The following HID1 variants were observed in gnomAD, a reference collection of about 807,000 sequenced individuals.
The protein encoded by HID1 is protein HID1.
HID1 carries 42 observed loss-of-function variants against 89.7 expected under a neutral mutation model. That is an observed-to-expected ratio of 0.47 (90% CI 0.37 to 0.61). HID1 has a LOEUF of 0.61. HID1 is among the 20% of genes least tolerant of loss of function. The pLI is 0.00. For missense variants in HID1, 854 were observed against 1,039.3 expected (o/e 0.82, Z 2.45); for synonymous variants, 442 against 433.8 (o/e 1.02, Z -0.24).
At chr17:74,956,020 C>A in intron 12 of HID1, 64 bp from the exon 13 acceptor site, 2 of 1,536,936 alleles carry the variant, frequency 1.3e-6, no homozygotes, top group Non-Finnish European at 1.8e-6. Flanking sequence ...ACATCCTGGG[C>A]CGGGGTGGAA....
chr17:74,964,759 G>T, intron 1 of HID1, 127 bp from the exon 2 acceptor site: 7 of 953,578 alleles, frequency 7.3e-6, no homozygotes, highest in Non-Finnish European at 9.3e-6. Context: ...GGGTCCCAGA[G>T]CCATCCCACA....
At chr17:74,953,522 C>T in intron 15 of HID1, 23 bp downstream of exon 15, 2 of 1,603,164 alleles carry the variant, frequency 1.2e-6, no homozygotes, top group Non-Finnish European at 1.7e-6. Flanking sequence ...CCACGCCCGG[C>T]TCCAGGAGTC....
At chr17:74,969,230 T>C (rs1387741888) in intron 1 of HID1, among the ~76,000 whole-genome samples, 1 of 152,168 alleles carries the variant, frequency 6.6e-6, no homozygotes, top group Non-Finnish European at 1.5e-5. Context: ...AGTCTTGCTC[T>C]GTGGCCCAGG....
At chr17:74,963,957 G>A (rs550836129) in intron 2 of HID1, 47 bp from the exon 3 acceptor site, 4 of 1,605,532 alleles carry the variant, frequency 2.5e-6, no homozygotes, top group Admixed American at 3.4e-5. Flanking sequence ...GGTGGGGAAA[G>A]GACCCTGGCA....
At chr17:74,966,088 C>T (rs1415767174) in intron 1 of HID1, among the ~76,000 whole-genome samples, 1 of 151,796 alleles carries the variant, frequency 6.6e-6, no homozygotes, top group Non-Finnish European at 1.5e-5. Flanking sequence ...AGTTCAAGAC[C>T]AGCCTGGCCA....
rs1465501884 is a variant in HID1, at chr17:74,961,928, G to T, written c.673C>A (p.Pro225Thr). 1 of 1,604,480 alleles carries T rather than the reference G, an allele frequency of 6.2e-7. No individual in the cohort carries two copies. The highest frequency in any genetic ancestry group is 1.1e-5 in the South Asian group (1 of 90,020). Residue 225 changes from proline (P) to threonine (T), a missense_variant, in exon 6 of 19, where the codon CCG becomes ACG. Pro to Thr is a conservative substitution (Grantham distance 38). Coordinates refer to ENST00000425042, the MANE Select transcript of HID1 (RefSeq NM_030630.3). ...FSEAMYLPPA[P>T]ESGSTNPWVQ... is the part of the protein sequence containing the mutation. ...CATGGGTTGGTGCTGCCACTTTCCG[G>T]AGCTGGGGGCAGGTACATGGCCTCG...
chr17:74,955,013 G>A (rs2144802336), intron 13 of HID1: 2 of 157,944 alleles, frequency 1.3e-5, no homozygotes, highest in South Asian at 3.8e-4. Flanking sequence ...AGTGCCTTCT[G>A]GGGGTTATTT....
chr17:74,969,678 C>T (rs1258452103), intron 1 of HID1, among the ~76,000 whole-genome samples: 1 of 151,976 alleles, frequency 6.6e-6, no homozygotes, highest in Non-Finnish European at 1.5e-5. Context: ...CATAGCTCAC[C>T]GTAACCTTGA....
chr17:74,962,157 A>T lies in HID1; in HGVS notation c.611+77T>A. Reference sequence around the variant, plus strand: ...GAGGACGGTCTTCTGGGAAGACCCCATGGGCTTTCTGAGCTGTGCGGGGGC... The same window carrying T: ...GAGGACGGTCTTCTGGGAAGACCCCTTGGGCTTTCTGAGCTGTGCGGGGGC... On this transcript the variant is annotated intron_variant, in intron 5 of 18. Transcript: ENST00000425042. The surrounding 1 kb of genome is among the most constrained non-coding windows in gnomAD (Gnocchi z 4.3). 2 of 1,313,998 alleles carry T rather than the reference A, an allele frequency of 1.5e-6. No individual in the cohort carries two copies. Among genetic ancestry groups the T allele is most frequent in the Non-Finnish European group, 2.1e-6 (2 of 938,588 alleles). The allele number at this position is 1,313,998 out of a possible 1,614,324, so 81.4% of individuals were successfully genotyped here.
chr17:74,960,083 G>A lies in HID1; in HGVS notation c.894C>T (p.Ser298=), dbSNP rs1241614368. The change falls in exon 7 of 19, where the codon AGC becomes AGT. Residue 298 remains serine (S), a synonymous_variant. Transcript: ENST00000425042. ...LIVTLDHDSA[S]SASPTVDGTT... is the part of the protein sequence containing the mutation. Reference sequence around the variant, plus strand: ...TGCCGTCCACAGTGGGGCTGGCACTGCTGGCACTGTCGTGGTCCAAAGTGA... The same window carrying A: ...TGCCGTCCACAGTGGGGCTGGCACTACTGGCACTGTCGTGGTCCAAAGTGA... 1.9e-6 allele frequency: 3 copies of A among 1,613,900 alleles called. No individual in the cohort carries two copies.
At chr17:74,960,311 T>A (rs1216038042) in intron 6 of HID1, 63 bp from the exon 7 acceptor site, 1 of 1,396,868 alleles carries the variant, frequency 7.2e-7, no homozygotes. Flanking sequence ...TGGCCACACC[T>A]CTCTGGCCAC....
At chr17:74,969,381 TTTCACCATG>T (rs747532463) in intron 1 of HID1, among the ~76,000 whole-genome samples, 71 of 151,916 alleles carry the variant, frequency 4.7e-4, no homozygotes, top group Non-Finnish European at 9.4e-4. Context: ...AGAGATGGGG[TTTCACCATG>T]TTAGCCGGGA....
rs1312574293 is a variant in HID1 at position 74,954,273 on chromosome 17, C to A, written c.1729G>T (p.Ala577Ser). 6.3e-7 allele frequency: 1 copy of A among 1,588,230 alleles called. No homozygotes were observed. The highest frequency in any genetic ancestry group is 1.8e-5 in the Admixed American group (1 of 55,192). ...GGTGTCCGCCGGCGCCGCTGCAGGG[C>A]CTTGTGAATGGTGGGCGGGTCCGTG... ...LPTDPPTIHKALQRRRRTPEP... is the reference protein window; with the variant it reads ...LPTDPPTIHKSLQRRRRTPEP... Residue 577 changes from alanine to serine, a missense_variant, in exon 14 of 19, where the codon GCC becomes TCC. By Grantham distance (99) the Ala-to-Ser change is moderately conservative (BLOSUM62 1). Coordinates refer to ENST00000425042, the MANE Select transcript of HID1 (RefSeq NM_030630.3).
Position 74,959,034 on chromosome 17 carries a change from G to T in HID1, c.1026C>A (p.Leu342=). ...TGGACAGCAGCCGGGCTATACCCTTGAGGATGAACTGGAAGTCCTGGGGGC... is the reference window on the plus strand; with the variant it reads ...TGGACAGCAGCCGGGCTATACCCTTTAGGATGAACTGGAAGTCCTGGGGGC... The part of the protein sequence containing the change: ...IHREEDFQFI[L]KGIARLLSNP... The change falls in exon 9 of 19, where the codon CTC becomes CTA. Residue 342 remains leucine, a synonymous_variant. Coordinates refer to ENST00000425042, the MANE Select transcript of HID1 (RefSeq NM_030630.3). The surrounding 1 kb of genome is among the most constrained non-coding windows in gnomAD (Gnocchi z 4.6). 1 of 1,575,116 alleles carries T rather than the reference G, an allele frequency of 6.3e-7. No individual in the cohort carries two copies. The highest frequency in any genetic ancestry group is 8.6e-7 in the Non-Finnish European group (1 of 1,165,932).
chr17:74,957,598 AT>A (rs200735224), intron 12 of HID1, among the ~76,000 whole-genome samples: 20 of 147,298 alleles, frequency 1.4e-4, no homozygotes, highest in South Asian at 2.2e-4. Flanking sequence ...AAATTGTTAA[AT>A]TTTTTTTTTT....
chr17:74,962,852 C>T lies in HID1; in HGVS notation c.504+113G>A, dbSNP rs546045704. ...ACATGTGCCAGGCAGCTCAGCTCTC[C>T]TGGAGCCCCCCGGCCCCCAGTGCAA... On this transcript the variant is annotated intron_variant, in intron 4 of 18. Coordinates refer to ENST00000425042, the MANE Select transcript of HID1 (RefSeq NM_030630.3). The surrounding 1 kb of genome is among the most constrained non-coding windows in gnomAD (Gnocchi z 4.3). The T allele has an allele frequency of 2.4e-4, 179 of 757,488 alleles. 1 individual carries two copies. In the Admixed American group the frequency reaches 4.0e-3, roughly 17 times the overall value. The allele number at this position is 757,488 out of a possible 1,614,324, so 46.9% of individuals were successfully genotyped here.
chr17:74,955,815 T>A lies in HID1; in HGVS notation c.1613A>T (p.Asn538Ile). The A allele has an allele frequency of 6.2e-7, 1 of 1,614,098 alleles. No homozygotes were observed. Among genetic ancestry groups the A allele is most frequent in the Non-Finnish European group, 8.5e-7 (1 of 1,179,988 alleles). ...ACCATCAAACTGGTACTGGATGATGTTGTTGAAGACCTCCAGGAGGAAGAA... is the reference window on the plus strand; with the variant it reads ...ACCATCAAACTGGTACTGGATGATGATGTTGAAGACCTCCAGGAGGAAGAA... ...LVFFLLEVFN[N>I]IIQYQFDGNS... Residue 538 changes from asparagine to isoleucine, a missense_variant, in exon 13 of 19, where the codon AAC (asparagine) becomes ATC (isoleucine). Physicochemically the swap from Asn to Ile is moderately radical, Grantham distance 149. Coordinates refer to ENST00000425042, the MANE Select transcript of HID1 (RefSeq NM_030630.3).
intron 12 of HID1, 106 bp from the exon 13 acceptor site, chr17:74,956,062 C>A: frequency 8.5e-7 from 1 of 1,170,224 alleles, no homozygotes; most frequent in South Asian, 1.4e-5. Context: ...CCCTCCCTGC[C>A]CCCTGCAGAG....
chr17:74,972,739 C>A lies in HID1; in HGVS notation c.-83G>T. On this transcript the variant is annotated 5_prime_UTR_variant, in exon 1 of 19. Coordinates refer to ENST00000425042, the MANE Select transcript of HID1 (RefSeq NM_030630.3). The surrounding 1 kb of genome is among the most constrained non-coding windows in gnomAD (Gnocchi z 6.4). ...CAGCTCCGGCTCCAGCTCCGCGGCCCCCGCGGCTCTCGCAGGAGACAAGCG... is the reference window on the plus strand; with the variant it reads ...CAGCTCCGGCTCCAGCTCCGCGGCCACCGCGGCTCTCGCAGGAGACAAGCG... 1 of 1,334,814 alleles carries A rather than the reference C, an allele frequency of 7.5e-7. No individual in the cohort carries two copies. Among genetic ancestry groups the A allele is most frequent in the Non-Finnish European group, 1.0e-6 (1 of 997,740 alleles). 82.7% of individuals were successfully genotyped at this position (1,334,814 alleles called of 1,614,324 possible).
Sources: gnomAD v4.1 joint callset for allele counts (sites outside exome capture counted in the v4.1 genomes callset) on GRCh38, gnomAD v4.1.1 for gene constraint, Gnocchi (gnomAD v3.1) non-coding constraint, MANE v1.5 for transcripts, NCBI Gene and HGNC (gene_info 2026-07-23, HGNC 2026-07-21) for gene names.